AGPAT4: variants seen among roughly 807,000 people sequenced by gnomAD.
The protein encoded by AGPAT4 is 1-acylglycerol-3-phosphate O-acyltransferase 4, also known as 1-acyl-sn-glycerol-3-phosphate acyltransferase delta.
In AGPAT4, 15 loss-of-function variants were observed where a neutral mutation model predicts 48.0. That is an observed-to-expected ratio of 0.31 (90% CI 0.21 to 0.48). The LOEUF is 0.48. Among genes scored for constraint, AGPAT4 ranks in the 20% least tolerant of loss-of-function variants. The pLI, the probability that AGPAT4 is intolerant of heterozygous loss-of-function variation, is 0.99. For synonymous variants in AGPAT4, 178 were observed against 198.7 expected (o/e 0.90, Z 0.88); for missense variants, 314 against 482.5 (o/e 0.65, Z 3.27).
chr6:161,265,091 T>C (rs1037642979), intron 1 of AGPAT4, among the ~76,000 whole-genome samples: 8 of 151,780 alleles, frequency 5.3e-5, no homozygotes, highest in African/African-American at 1.9e-4. Flanking sequence ...TAGTACCCAC[T>C]GCTGGACTGG....
rs1782450550 is a variant in AGPAT4 at position 161,240,328 on chromosome 6, T to G, written c.-89-8026A>C. On this transcript the variant is annotated intron_variant, in intron 1 of 8. Coordinates refer to ENST00000320285, the MANE Select transcript of AGPAT4 (RefSeq NM_020133.3). This position sits in a 1 kb window ranked among gnomAD's most constrained non-coding sequence, Gnocchi z 5.5. ...GTTCAAGACTACAGCTTCAGCATCTTTATCCTTAGGAAGAAACTGACAAGG... is the reference window on the plus strand; with the variant it reads ...GTTCAAGACTACAGCTTCAGCATCTGTATCCTTAGGAAGAAACTGACAAGG... Among the ~76,000 whole-genome samples the G allele has an allele frequency of 6.6e-6, 1 of 151,694 alleles. No individual in the cohort carries two copies. Among genetic ancestry groups the G allele is most frequent in the Non-Finnish European group, 1.5e-5 (1 of 67,958 alleles).
rs1783283295 is a variant in AGPAT4 at position 161,266,926 on chromosome 6, CTCATTTCAGAGT to C, written c.-90+7000_-90+7011del. 6.6e-6 allele frequency among the ~76,000 whole-genome samples: 1 copy of C among 152,218 alleles called. No homozygotes were observed. The highest frequency in any genetic ancestry group is 1.5e-5 in the Non-Finnish European group (1 of 68,046). ...CCAGGATCAATTCAAGTCTCCCATT[CTCATTTCAGAGT>C]TGATCTAAGATAAGCACTGGCAGGG... On this transcript the variant is annotated intron_variant, in intron 1 of 8. Coordinates refer to ENST00000320285, the MANE Select transcript of AGPAT4 (RefSeq NM_020133.3). The surrounding 1 kb of genome is among the most constrained non-coding windows in gnomAD (Gnocchi z 6.2).
In AGPAT4 at chr6:161,242,888, T is replaced by C. The variant is rs1046956533; in HGVS notation, c.-89-10586A>G. On this transcript the variant is annotated intron_variant, in intron 1 of 8. Coordinates refer to ENST00000320285, the MANE Select transcript of AGPAT4 (RefSeq NM_020133.3). This position sits in a 1 kb window ranked among gnomAD's most constrained non-coding sequence, Gnocchi z 5.0. ...ATCGAGGCCAGCCTGGCCAACATAG[T>C]GAAACCCCGTCTCTACTAAGAACAC... Among the ~76,000 whole-genome samples the C allele has an allele frequency of 6.6e-6, 1 of 151,850 alleles. No individual in the cohort carries two copies.
rs887269581 is a variant in AGPAT4, at chr6:161,202,328, C to T, written c.178+29708G>A. 2.0e-5 allele frequency among the ~76,000 whole-genome samples: 3 copies of T among 151,998 alleles called. No individual in the cohort carries two copies. Among genetic ancestry groups the T allele is most frequent in the Non-Finnish European group, 2.9e-5 (2 of 67,984 alleles). On this transcript the variant is annotated intron_variant, in intron 2 of 8. Coordinates refer to ENST00000320285, the MANE Select transcript of AGPAT4 (RefSeq NM_020133.3). This position sits in a 1 kb window ranked among gnomAD's most constrained non-coding sequence, Gnocchi z 5.4. ...GGCTGTAGATCTCAATTCCTCTTCT[C>T]ATGGGCCCGTCTGAGTGATGCCTGA...
In AGPAT4 at chr6:161,251,479, C is replaced by T. The variant is rs1782801692; in HGVS notation, c.-89-19177G>A. ...CAGAACAAAGGAGGGCTCCACCAAG[C>T]TTGTGTGCCCCCAGCTCTTTCCTTG... On this transcript the variant is annotated intron_variant, in intron 1 of 8. Coordinates refer to ENST00000320285, the MANE Select transcript of AGPAT4 (RefSeq NM_020133.3). The surrounding 1 kb of genome is among the most constrained non-coding windows in gnomAD (Gnocchi z 4.6). 6.6e-6 allele frequency among the ~76,000 whole-genome samples: 1 copy of T among 152,220 alleles called. No individual in the cohort carries two copies. Among genetic ancestry groups the T allele is most frequent in the African/African-American group, 2.4e-5 (1 of 41,456 alleles).
chr6:161,251,765 C>T lies in AGPAT4; in HGVS notation c.-89-19463G>A, dbSNP rs1782811093. Among the ~76,000 whole-genome samples, 1 of 152,160 alleles carries T rather than the reference C, an allele frequency of 6.6e-6. No homozygotes were observed. The highest frequency in any genetic ancestry group is 6.5e-5 in the Admixed American group (1 of 15,280). On this transcript the variant is annotated intron_variant, in intron 1 of 8. Transcript: ENST00000320285. This position sits in a 1 kb window ranked among gnomAD's most constrained non-coding sequence, Gnocchi z 4.6. ...ACATGGGAGACGTGCTCTTGATACA[C>T]ATAAGGGCATTGATAGTTTACAAAT...
Position 161,214,923 on chromosome 6 carries a change from C to T in AGPAT4, c.178+17113G>A, listed in dbSNP as rs16892313. 0.012 allele frequency among the ~76,000 whole-genome samples: 1,865 copies of T among 152,236 alleles called. 41 individuals are homozygous for T. The highest frequency in any genetic ancestry group is 0.043 in the African/African-American group (1,796 of 41,532). Reference sequence around the variant, plus strand: ...TATATTTCAAAACTATCTACGTTGACCTCCAAACCTGTTCTGCTGGCCTGC... The same window carrying T: ...TATATTTCAAAACTATCTACGTTGATCTCCAAACCTGTTCTGCTGGCCTGC... On this transcript the variant is annotated intron_variant, in intron 2 of 8. Coordinates refer to ENST00000320285, the MANE Select transcript of AGPAT4 (RefSeq NM_020133.3). This position sits in a 1 kb window ranked among gnomAD's most constrained non-coding sequence, Gnocchi z 5.4.
At chr6:161,256,664 C>T (rs1782952208) in intron 1 of AGPAT4, among the ~76,000 whole-genome samples, 2 of 152,194 alleles carry the variant, frequency 1.3e-5, no homozygotes, top group African/African-American at 4.8e-5. Context: ...TCTGATGGCT[C>T]CCCCGGTCCC....
intron 3 of AGPAT4, among the ~76,000 whole-genome samples, chr6:161,156,702 C>T (rs1288527104): frequency 6.6e-6 from 1 of 152,244 alleles, no homozygotes; most frequent in Non-Finnish European, 1.5e-5. Flanking sequence ...TAAACAAAAT[C>T]TCTGCAGCAC....
At position 161,231,392 on chromosome 6, in the gene AGPAT4, T is replaced by C. The variant is rs138021123; in HGVS notation, c.178+644A>G. Reference sequence around the variant, plus strand: ...GGACACATACACACACACAAATGAGTGTACTTAAAAGTGGAGAAATAGGAG... The same window carrying C: ...GGACACATACACACACACAAATGAGCGTACTTAAAAGTGGAGAAATAGGAG... On this transcript the variant is annotated intron_variant, in intron 2 of 8. Coordinates refer to ENST00000320285, the MANE Select transcript of AGPAT4 (RefSeq NM_020133.3). This position sits in a 1 kb window ranked among gnomAD's most constrained non-coding sequence, Gnocchi z 5.3. 6.6e-4 allele frequency among the ~76,000 whole-genome samples: 99 copies of C among 150,416 alleles called. No individual in the cohort carries two copies. The highest frequency in any genetic ancestry group is 2.3e-3 in the African/African-American group (92 of 39,890).
Position 161,130,984 on chromosome 6 carries a change from A to G in AGPAT4, c.*5556T>C, listed in dbSNP as rs941458911. The G allele has an allele frequency of 1.2e-5, 6 of 487,850 alleles. No individual in the cohort carries two copies. The highest frequency in any genetic ancestry group is 4.2e-6 in the Non-Finnish European group (1 of 239,186). 30.2% of individuals were successfully genotyped at this position (487,850 alleles called of 1,614,324 possible). On this transcript the variant is annotated 3_prime_UTR_variant, in exon 9 of 9. Coordinates refer to ENST00000320285, the MANE Select transcript of AGPAT4 (RefSeq NM_020133.3). Reference sequence around the variant, plus strand: ...CTAGTACTATGGAATAGAAAAGGAAAAGTGACATTTGTGTAATTTATTTTG... The same window carrying G: ...CTAGTACTATGGAATAGAAAAGGAAGAGTGACATTTGTGTAATTTATTTTG...
In AGPAT4 at chr6:161,243,492, G is replaced by C. The variant is rs1052464534; in HGVS notation, c.-89-11190C>G. Among the ~76,000 whole-genome samples, 1 of 152,202 alleles carries C rather than the reference G, an allele frequency of 6.6e-6. No homozygotes were observed. The highest frequency in any genetic ancestry group is 1.5e-5 in the Non-Finnish European group (1 of 68,044). On this transcript the variant is annotated intron_variant, in intron 1 of 8. Transcript: ENST00000320285. This position sits in a 1 kb window ranked among gnomAD's most constrained non-coding sequence, Gnocchi z 4.8. ...GGCCCACCACAAGGCTGTGTGCCCA[G>C]AGCCTGCAGGAGAGGCGCTGTTTCC...
In AGPAT4 at chr6:161,243,930, C is replaced by T. The variant is rs1053162702; in HGVS notation, c.-89-11628G>A. Among the ~76,000 whole-genome samples, 4 of 152,334 alleles carry T rather than the reference C, an allele frequency of 2.6e-5. No individual in the cohort carries two copies. The highest frequency in any genetic ancestry group is 1.3e-4 in the Admixed American group (2 of 15,304). Reference sequence around the variant, plus strand: ...CAAGTTTTAATGAAATGATTATGTCCTTATTCCCAGCCCAGAGGAAGGCAG... The same window carrying T: ...CAAGTTTTAATGAAATGATTATGTCTTTATTCCCAGCCCAGAGGAAGGCAG... On this transcript the variant is annotated intron_variant, in intron 1 of 8. Transcript: ENST00000320285. This position sits in a 1 kb window ranked among gnomAD's most constrained non-coding sequence, Gnocchi z 4.8.
At chr6:161,257,776 C>G (rs1405975108) in intron 1 of AGPAT4, among the ~76,000 whole-genome samples, 1 of 152,148 alleles carries the variant, frequency 6.6e-6, no homozygotes, top group Non-Finnish European at 1.5e-5. Flanking sequence ...TTAGTCCCAC[C>G]TTCTATTTCA....
At position 161,178,240 on chromosome 6, in the gene AGPAT4, T is replaced by C. The variant is rs1324438389; in HGVS notation, c.179-11823A>G. ...CTGCCCTGCCCCCAGAGGTGGAGTCTACAGAGGCATGCAGGCCTCCTTGAG... is the reference window on the plus strand; with the variant it reads ...CTGCCCTGCCCCCAGAGGTGGAGTCCACAGAGGCATGCAGGCCTCCTTGAG... On this transcript the variant is annotated intron_variant, in intron 2 of 8. Coordinates refer to ENST00000320285, the MANE Select transcript of AGPAT4 (RefSeq NM_020133.3). This position sits in a 1 kb window ranked among gnomAD's most constrained non-coding sequence, Gnocchi z 5.1. Among the ~76,000 whole-genome samples the C allele has an allele frequency of 2.0e-5, 3 of 152,184 alleles. No individual in the cohort carries two copies. Among genetic ancestry groups the C allele is most frequent in the African/African-American group, 7.2e-5 (3 of 41,448 alleles).
In AGPAT4 at chr6:161,142,111, C is replaced by T. The variant is rs1779270859; in HGVS notation, c.844-2491G>A. 1.3e-5 allele frequency among the ~76,000 whole-genome samples: 2 copies of T among 152,262 alleles called. No homozygotes were observed. Among genetic ancestry groups the T allele is most frequent in the Non-Finnish European group, 2.9e-5 (2 of 68,050 alleles). Reference sequence around the variant, plus strand: ...TCAGGTGATCCTCCTGCCTCAGCCTCCCAAAGTGTTGGGATTACAGGCGTG... The same window carrying T: ...TCAGGTGATCCTCCTGCCTCAGCCTTCCAAAGTGTTGGGATTACAGGCGTG... On this transcript the variant is annotated intron_variant, in intron 7 of 8. Transcript: ENST00000320285. This position sits in a 1 kb window ranked among gnomAD's most constrained non-coding sequence, Gnocchi z 6.4.
Position 161,270,351 on chromosome 6 carries a change from AAAG to A in AGPAT4, c.-90+3584_-90+3586del, listed in dbSNP as rs1783386631. On this transcript the variant is annotated intron_variant, in intron 1 of 8. Coordinates refer to ENST00000320285, the MANE Select transcript of AGPAT4 (RefSeq NM_020133.3). This position sits in a 1 kb window ranked among gnomAD's most constrained non-coding sequence, Gnocchi z 5.3. ...TTCCTTTCCAAACTGATTCTCACAC[AAAG>A]AATAATGAATTTGAGTTGCCCAAGC... Among the ~76,000 whole-genome samples the A allele has an allele frequency of 6.6e-6, 1 of 152,222 alleles. No individual in the cohort carries two copies.
intron 2 of AGPAT4, among the ~76,000 whole-genome samples, chr6:161,210,495 G>A (rs906023350): frequency 6.6e-6 from 1 of 152,104 alleles, no homozygotes. Flanking sequence ...TGTACACAAT[G>A]TTTCACTACT....
At position 161,273,524 on chromosome 6, in the gene AGPAT4, T is replaced by A. The variant is rs566560723; in HGVS notation, c.-90+414A>T. 9.5e-4 allele frequency among the ~76,000 whole-genome samples: 145 copies of A among 152,246 alleles called. 3 individuals are homozygous for A. In the South Asian group the frequency reaches 0.029, roughly 30 times the overall value. ...AAACGTCAGCGACGGAAGAACATGT[T>A]GCATGACACAAAAGAGAGCAATATG... On this transcript the variant is annotated intron_variant, in intron 1 of 8. Coordinates refer to ENST00000320285, the MANE Select transcript of AGPAT4 (RefSeq NM_020133.3).
Sources: gnomAD v4.1 joint callset for allele counts (sites outside exome capture counted in the v4.1 genomes callset) on GRCh38, gnomAD v4.1.1 for gene constraint, Gnocchi (gnomAD v3.1) non-coding constraint, MANE v1.5 for transcripts, NCBI Gene and HGNC (gene_info 2026-07-23, HGNC 2026-07-21) for gene names.